Variants in NEK11 observed in about 807,000 individuals in gnomAD.
NEK11 encodes the protein NIMA related kinase 11.
Under a neutral mutation model 80.7 loss-of-function variants are expected in NEK11, and 72 were observed. The observed-to-expected ratio is 0.89, with a 90% CI of 0.74 to 1.08. NEK11 has a LOEUF of 1.08. Ranked by LOEUF, NEK11 falls within the 50% of genes least tolerant of loss-of-function variation. The pLI, the probability that NEK11 is intolerant of heterozygous loss-of-function variation, is 0.00. For synonymous variants in NEK11, 251 were observed against 260.7 expected, an observed-to-expected ratio of 0.96 and a Z score of 0.36; for missense variants, 764 against 763.6, an observed-to-expected ratio of 1.00 and a Z score of -0.01.
At chr3:131,184,392 A>G (rs1218811217) in intron 14 of NEK11, among the ~76,000 whole-genome samples, 3 of 152,198 alleles carry the variant, frequency 2.0e-5, no homozygotes, top group Non-Finnish European at 4.4e-5. Flanking sequence ...GGCACATTAA[A>G]GTTTGAAAAG....
At chr3:131,106,617 A>G (rs751491451) in intron 4 of NEK11, among the ~76,000 whole-genome samples, 12 of 152,122 alleles carry the variant, frequency 7.9e-5, no homozygotes, top group Non-Finnish European at 1.6e-4. Context: ...ATTAGCTACT[A>G]TTTACCGAAG....
intron 3 of NEK11, among the ~76,000 whole-genome samples, chr3:131,052,766 C>A (rs1254426483): frequency 2.0e-5 from 3 of 152,082 alleles, no homozygotes; most frequent in Non-Finnish European, 4.4e-5. Flanking sequence ...AGGCCCAGTA[C>A]CCTCTGACCT....
chr3:131,180,192 A>C (rs2093270163), intron 14 of NEK11, among the ~76,000 whole-genome samples: 1 of 152,152 alleles, frequency 6.6e-6, no homozygotes, highest in Non-Finnish European at 1.5e-5. Flanking sequence ...TCATTGACTA[A>C]AACTAGTCAT....
intron 14 of NEK11, among the ~76,000 whole-genome samples, chr3:131,218,718 G>C (rs1470678275): frequency 6.6e-6 from 1 of 152,160 alleles, no homozygotes; most frequent in African/African-American, 2.4e-5. Context: ...AAGAAGAGGA[G>C]ATTAGGCTTT....
At chr3:131,218,813 CT>C (rs1658070895) in intron 14 of NEK11, among the ~76,000 whole-genome samples, 2 of 152,240 alleles carry the variant, frequency 1.3e-5, no homozygotes, top group South Asian at 4.2e-4. Context: ...TGATGATGAG[CT>C]TTTTTTCATA....
At chr3:131,283,187 G>A (rs1264246073) in intron 17 of NEK11, among the ~76,000 whole-genome samples, 1 of 152,152 alleles carries the variant, frequency 6.6e-6, no homozygotes, top group Non-Finnish European at 1.5e-5. Flanking sequence ...AGATGAGATG[G>A]GAACAGTGGG....
chr3:131,112,438 G>C (rs1186494098), intron 5 of NEK11, among the ~76,000 whole-genome samples: 1 of 152,066 alleles, frequency 6.6e-6, no homozygotes, highest in Non-Finnish European at 1.5e-5. Flanking sequence ...CCTGGAAGGG[G>C]CACAAAGAAA....
chr3:131,051,685 T>C (rs989317908), intron 3 of NEK11, among the ~76,000 whole-genome samples: 26 of 152,236 alleles, frequency 1.7e-4, no homozygotes, highest in Non-Finnish European at 3.1e-4. Context: ...AAAATATATA[T>C]TAAGAAAATT....
chr3:131,115,939 T>G (rs940437472), intron 5 of NEK11, among the ~76,000 whole-genome samples: 4 of 120,426 alleles, frequency 3.3e-5, no homozygotes, highest in African/African-American at 1.3e-4. Context: ...TCTTTCTTTC[T>G]TTCTTTCTTT....
chr3:131,317,956 C>G (rs1474700365), intron 17 of NEK11, among the ~76,000 whole-genome samples: 1 of 152,164 alleles, frequency 6.6e-6, no homozygotes, highest in Non-Finnish European at 1.5e-5. Context: ...ACTTGCTCCA[C>G]TCTGCAGATT....
At chr3:131,346,619 T>G (rs369361719) in intron 17 of NEK11, among the ~76,000 whole-genome samples, 1 of 152,188 alleles carries the variant, frequency 6.6e-6, no homozygotes, top group Non-Finnish European at 1.5e-5. Context: ...TGCGAGATAA[T>G]GGTTATGATG....
intron 7 of NEK11, among the ~76,000 whole-genome samples, chr3:131,151,706 T>G (rs1018604768): frequency 1.3e-5 from 2 of 152,122 alleles, no homozygotes; most frequent in Non-Finnish European, 2.9e-5. Context: ...TTTCAGTTTT[T>G]TTTTTAATGA....
At chr3:131,332,562 C>G (rs1268398456) in intron 17 of NEK11, among the ~76,000 whole-genome samples, 1 of 152,198 alleles carries the variant, frequency 6.6e-6, no homozygotes, top group African/African-American at 2.4e-5. Context: ...CAGAGCGCCT[C>G]TCCTCCTCCA....
intron 3 of NEK11, among the ~76,000 whole-genome samples, chr3:131,045,066 T>C (rs1267647753): frequency 6.6e-6 from 1 of 152,046 alleles, no homozygotes; most frequent in Non-Finnish European, 1.5e-5. Context: ...TTCTTTGAAA[T>C]GAAGGAGAGC....
chr3:131,253,609 G>A (rs1001377516), intron 16 of NEK11, among the ~76,000 whole-genome samples: 22 of 152,042 alleles, frequency 1.4e-4, no homozygotes, highest in African/African-American at 3.6e-4. Context: ...ATAGAGTGGC[G>A]AAGAAAACAA....
At chr3:131,174,774 C>T (rs1423899093) in intron 14 of NEK11, 4 of 1,610,682 alleles carry the variant, frequency 2.5e-6, no homozygotes, top group Non-Finnish European at 2.5e-6. Flanking sequence ...TAGCAACTCA[C>T]AGCTGACTTT....
chr3:131,131,652 C>A (rs1472051578), intron 5 of NEK11, among the ~76,000 whole-genome samples: 1 of 151,940 alleles, frequency 6.6e-6, no homozygotes, highest in Non-Finnish European at 1.5e-5. Context: ...TTTTATTGAT[C>A]TTTTCAAAGA....
At chr3:131,260,079 C>A (rs996239337) in intron 16 of NEK11, among the ~76,000 whole-genome samples, 2 of 152,130 alleles carry the variant, frequency 1.3e-5, no homozygotes, top group South Asian at 2.1e-4. Context: ...TGATTCACAG[C>A]CCCTCATAAT....
intron 16 of NEK11, among the ~76,000 whole-genome samples, chr3:131,267,884 T>G (rs2096093245): frequency 6.6e-6 from 1 of 152,238 alleles, no homozygotes; most frequent in Admixed American, 6.5e-5. Flanking sequence ...CTTGGTTCCA[T>G]ACTCCTCATC....
Sources: gnomAD v4.1 joint callset for allele counts (sites outside exome capture counted in the v4.1 genomes callset) on GRCh38, gnomAD v4.1.1 for gene constraint, MANE v1.5 for transcripts, NCBI Gene and HGNC (gene_info 2026-07-23, HGNC 2026-07-21) for gene names.